The following THSD7A variants were observed in gnomAD, a reference collection of about 807,000 sequenced individuals.
THSD7A encodes the protein thrombospondin type 1 domain containing 7A.
THSD7A carries 96 observed loss-of-function variants against 231.3 expected under a neutral mutation model. The observed-to-expected ratio is 0.41, with a 90% CI of 0.35 to 0.49. The LOEUF (loss-of-function observed/expected upper bound fraction) is 0.49. THSD7A is among the 20% of genes least tolerant of loss of function. The pLI is 0.05. For missense variants in THSD7A, 2,290 were observed against 2,070.2 expected, an observed-to-expected ratio of 1.11 and a Z score of -2.06; for synonymous variants, 940 against 743.3, an observed-to-expected ratio of 1.26 and a Z score of -4.30.
In THSD7A at chr7:11,376,668, T is replaced by C; in HGVS notation, c.4802-11A>G. ...TCTTTAGTCTCCCATCTAAGAAGAA[T>C]GGATATTAGTTATTAATTTACATTA... On this transcript the variant is annotated splice_polypyrimidine_tract_variant and intron_variant, in intron 26 of 27. Coordinates refer to ENST00000423059, the MANE Select transcript of THSD7A (RefSeq NM_015204.3). 6.4e-7 allele frequency: 1 copy of C among 1,554,600 alleles called. No homozygotes were observed. Among genetic ancestry groups the C allele is most frequent in the East Asian group, 2.4e-5 (1 of 41,808 alleles).
At chr7:11,605,557 T>A (rs1302904517) in intron 2 of THSD7A, among the ~76,000 whole-genome samples, 3 of 152,100 alleles carry the variant, frequency 2.0e-5, no homozygotes, top group East Asian at 3.9e-4. Context: ...TCCCAGAAGA[T>A]CCACATGCAC....
chr7:11,436,872 A>T (rs556009924), intron 13 of THSD7A, among the ~76,000 whole-genome samples: 2 of 152,136 alleles, frequency 1.3e-5, no homozygotes, highest in African/African-American at 2.4e-5. Flanking sequence ...ATTTGGATAA[A>T]TTTCCTGTTT....
intron 4 of THSD7A, among the ~76,000 whole-genome samples, chr7:11,566,994 T>G (rs1240920880): frequency 7.9e-6 from 1 of 126,182 alleles, no homozygotes; most frequent in Non-Finnish European, 1.6e-5. Flanking sequence ...CAAAGTTTCC[T>G]AAAGTTGTTG....
intron 1 of THSD7A, among the ~76,000 whole-genome samples, chr7:11,754,707 T>G (rs1369414284): frequency 6.6e-6 from 1 of 152,132 alleles, no homozygotes; most frequent in East Asian, 1.9e-4. Context: ...TCAATTGTAA[T>G]GGCCATATAA....
chr7:11,799,812 T>C (rs1336554964), intron 1 of THSD7A, among the ~76,000 whole-genome samples: 3 of 152,230 alleles, frequency 2.0e-5, no homozygotes, highest in African/African-American at 7.2e-5. Flanking sequence ...AATTTTGTTA[T>C]ATGAGAAGAC....
intron 25 of THSD7A, 30 bp from the exon 26 acceptor site, chr7:11,379,310 C>A (rs1397165168): frequency 1.9e-6 from 3 of 1,603,264 alleles, no homozygotes; most frequent in Admixed American, 1.7e-5. Context: ...TTTATACTAG[C>A]CATGCAAGGA....
rs553255796 is a variant in THSD7A, at chr7:11,434,902, A to G, written c.3065-5777T>C. Among the ~76,000 whole-genome samples, 132 of 152,126 alleles carry G rather than the reference A, an allele frequency of 8.7e-4. 1 individual carries two copies. Among genetic ancestry groups the G allele is most frequent in the Middle Eastern group, 6.8e-3 (2 of 294 alleles). On this transcript the variant is annotated intron_variant, in intron 13 of 27. Coordinates refer to ENST00000423059, the MANE Select transcript of THSD7A (RefSeq NM_015204.3). ...CCAAACTCCTATATTCCAATGTTCT[A>G]CCCGTTGTATATTTGATGGATGAAA...
chr7:11,402,550 A>G (rs1783442340), intron 22 of THSD7A, among the ~76,000 whole-genome samples: 1 of 152,178 alleles, frequency 6.6e-6, no homozygotes, highest in Non-Finnish European at 1.5e-5. Flanking sequence ...TCTTTAAAAT[A>G]TTGATTTATT....
intron 1 of THSD7A, among the ~76,000 whole-genome samples, chr7:11,720,618 T>C (rs1471022739): frequency 1.3e-5 from 2 of 151,796 alleles, no homozygotes; most frequent in Non-Finnish European, 2.9e-5. Context: ...AGTTGCTTTT[T>C]TCATTTTCTT....
chr7:11,396,743 C>A (rs1419032794), intron 23 of THSD7A, among the ~76,000 whole-genome samples: 1 of 152,178 alleles, frequency 6.6e-6, no homozygotes, highest in Non-Finnish European at 1.5e-5. Context: ...CTACTCCACA[C>A]AATATAAAAA....
intron 1 of THSD7A, among the ~76,000 whole-genome samples, chr7:11,796,340 C>T (rs1784125929): frequency 7.4e-6 from 1 of 135,062 alleles, no homozygotes; most frequent in Non-Finnish European, 1.5e-5. Flanking sequence ...TGTCCATCCA[C>T]TTTGAAAAAA....
chr7:11,370,949 TA>T lies in THSD7A; in HGVS notation c.*4844del, dbSNP rs1782029933. 6.6e-6 allele frequency: 1 copy of T among 152,074 alleles called. No individual in the cohort carries two copies. Among genetic ancestry groups the T allele is most frequent in the Non-Finnish European group, 1.5e-5 (1 of 68,004 alleles). 9.4% of individuals were successfully genotyped at this position (152,074 alleles called of 1,614,324 possible). A position where few individuals can be genotyped will look rare whatever the true frequency, so the allele number is the denominator to read the frequency against. ...AATAGGGAAAAGTTTACTTGAGGGT[TA>T]AAAGTAGGTAATCTAGAAACTATGG... On this transcript the variant is annotated 3_prime_UTR_variant, in exon 28 of 28. Transcript: ENST00000423059.
intron 1 of THSD7A, among the ~76,000 whole-genome samples, chr7:11,641,736 A>G (rs1440626213): frequency 6.6e-6 from 1 of 150,482 alleles, no homozygotes; most frequent in Non-Finnish European, 1.5e-5. Flanking sequence ...AAGTATAGTC[A>G]TGATTGAACC....
intron 11 of THSD7A, among the ~76,000 whole-genome samples, chr7:11,454,896 T>G (rs1785255781): frequency 6.6e-6 from 1 of 152,026 alleles, no homozygotes; most frequent in South Asian, 2.1e-4. Context: ...CATATAGCTC[T>G]GTACACTAAG....
intron 10 of THSD7A, among the ~76,000 whole-genome samples, chr7:11,461,315 T>C (rs570360505): frequency 6.6e-6 from 1 of 152,358 alleles, no homozygotes; most frequent in African/African-American, 2.4e-5. Context: ...AAGATTGATA[T>C]ATTAAGATGC....
intron 1 of THSD7A, among the ~76,000 whole-genome samples, chr7:11,648,278 T>G (rs557744850): frequency 5.0e-4 from 76 of 152,162 alleles, no homozygotes; most frequent in African/African-American, 1.5e-3. Context: ...CATTTGCAAG[T>G]AGCGCCAAAA....
At position 11,831,909 on chromosome 7, in the gene THSD7A, C is replaced by G. The variant is rs748722205; in HGVS notation, c.38G>C (p.Arg13Pro). The change falls in exon 1 of 28, where the codon CGG becomes CCG. Residue 13 changes from arginine to proline, a missense_variant. Physicochemically the swap from Arg to Pro is moderately radical, Grantham distance 103. Coordinates refer to ENST00000423059, the MANE Select transcript of THSD7A (RefSeq NM_015204.3). The surrounding 1 kb of genome is among the most constrained non-coding windows in gnomAD (Gnocchi z 5.0). ...LQARRWASGS[R>P]GAAGPRRGVL... ...GCCCCGGCGCGGCCCCGCAGCGCCC[C>G]GGCTCCCGGACGCCCAGCGCCTGGC... 9.8e-5 allele frequency: 121 copies of G among 1,238,004 alleles called. No individual in the cohort carries two copies. In the East Asian group the frequency reaches 1.3e-3, roughly 14 times the overall value. 76.7% of individuals were successfully genotyped at this position (1,238,004 alleles called of 1,614,324 possible). A position where few individuals can be genotyped will look rare whatever the true frequency, so the allele number is the denominator to read the frequency against.
At chr7:11,780,778 C>A (rs1050622821) in intron 1 of THSD7A, among the ~76,000 whole-genome samples, 8 of 151,864 alleles carry the variant, frequency 5.3e-5, no homozygotes, top group African/African-American at 1.7e-4. Flanking sequence ...ATAACCAATA[C>A]AATGAGAGCT....
At chr7:11,463,321 T>C (rs1170386596) in intron 9 of THSD7A, among the ~76,000 whole-genome samples, 2 of 152,208 alleles carry the variant, frequency 1.3e-5, no homozygotes, top group East Asian at 3.9e-4. Context: ...GATTTCTGTA[T>C]TGGATGGGAG....
Sources: gnomAD v4.1 joint callset for allele counts (sites outside exome capture counted in the v4.1 genomes callset) on GRCh38, gnomAD v4.1.1 for gene constraint, Gnocchi (gnomAD v3.1) non-coding constraint, MANE v1.5 for transcripts, NCBI Gene and HGNC (gene_info 2026-07-23, HGNC 2026-07-21) for gene names.